Variants in RBFOX3 observed in about 807,000 individuals in gnomAD.
RBFOX3 encodes RNA binding fox-1 homolog 3, also known as RNA binding protein fox-1 homolog 3.
RBFOX3 carries 17 observed loss-of-function variants against 48.7 expected under a neutral mutation model. The observed-to-expected ratio is 0.35, with a 90% CI of 0.24 to 0.52. The LOEUF (loss-of-function observed/expected upper bound fraction) is 0.52. RBFOX3 is among the 20% of genes least tolerant of loss of function. RBFOX3 has a pLI of 0.94. For synonymous variants in RBFOX3, 212 were observed against 209.5 expected (o/e 1.01, Z -0.10); for missense variants, 382 against 497.5 (o/e 0.77, Z 2.21).
intron 1 of RBFOX3, among the ~76,000 whole-genome samples, chr17:79,577,087 C>G (rs2092888020): frequency 6.6e-6 from 1 of 152,186 alleles, no homozygotes; most frequent in Non-Finnish European, 1.5e-5. Context: ...TCACTCTGGA[C>G]TCTTCACTCT....
At chr17:79,288,331 A>T (rs1346079648) in intron 3 of RBFOX3, among the ~76,000 whole-genome samples, 2 of 152,170 alleles carry the variant, frequency 1.3e-5, no homozygotes, top group Admixed American at 1.3e-4. Flanking sequence ...GCACACAAAT[A>T]CTTGCCATCA....
At position 79,212,119 on chromosome 17, in the gene RBFOX3, T is replaced by C. The variant is rs565680465; in HGVS notation, c.-34+23647A>G. Among the ~76,000 whole-genome samples, 178 of 152,336 alleles carry C rather than the reference T, an allele frequency of 1.2e-3. No individual in the cohort carries two copies. Among genetic ancestry groups the C allele is most frequent in the African/African-American group, 4.2e-3 (175 of 41,580 alleles). ...ACCAGCGCCCAAAGACGGGCCCACC[T>C]GGGCATCTTCGACCATGCCAGGGAC... On this transcript the variant is annotated intron_variant, in intron 4 of 14. Coordinates refer to ENST00000693108, the MANE Select transcript of RBFOX3 (RefSeq NM_001350451.2). The surrounding 1 kb of genome is among the most constrained non-coding windows in gnomAD (Gnocchi z 4.7).
intron 4 of RBFOX3, among the ~76,000 whole-genome samples, chr17:79,218,994 C>A (rs779172021): frequency 6.6e-6 from 1 of 152,230 alleles, no homozygotes; most frequent in Non-Finnish European, 1.5e-5. Context: ...GCCATGGCTC[C>A]TGCGGCCTCA....
At chr17:79,549,912 C>T (rs1459469973) in intron 1 of RBFOX3, among the ~76,000 whole-genome samples, 1 of 152,194 alleles carries the variant, frequency 6.6e-6, no homozygotes, top group Non-Finnish European at 1.5e-5. Context: ...ACCTAAAAAA[C>T]CTTCATGTTC....
Position 79,418,686 on chromosome 17 carries a change from G to A in RBFOX3, c.-175+63768C>T, listed in dbSNP as rs902464338. 6.6e-6 allele frequency among the ~76,000 whole-genome samples: 1 copy of A among 152,158 alleles called. No individual in the cohort carries two copies. The highest frequency in any genetic ancestry group is 2.4e-5 in the African/African-American group (1 of 41,436). ...AGGGATGGATGTGGCTGTGCCAAGT[G>A]CCCTGGCATCCCCCAAGTCTGGGTG... On this transcript the variant is annotated intron_variant, in intron 2 of 14. Transcript: ENST00000693108. This position sits in a 1 kb window ranked among gnomAD's most constrained non-coding sequence, Gnocchi z 5.0.
chr17:79,643,328 G>T, the RBFOX3 span, among the ~76,000 whole-genome samples: 1 of 152,114 alleles, frequency 6.6e-6, no homozygotes, highest in Non-Finnish European at 1.5e-5. Flanking sequence ...AAAGCCAAAA[G>T]AATTAAAGGG....
chr17:79,323,093 C>T (rs1043276757), intron 2 of RBFOX3, among the ~76,000 whole-genome samples: 17 of 152,194 alleles, frequency 1.1e-4, no homozygotes, highest in Admixed American at 6.5e-5. Flanking sequence ...GGAGGGGGCT[C>T]CTGCAAAGCT....
At chr17:79,598,028 CAGA>C (rs1457307372) in intron 1 of RBFOX3, 6 of 123,312 alleles carry the variant, frequency 4.9e-5, no homozygotes, top group African/African-American at 1.3e-4. Flanking sequence ...GGAGCCTGAT[CAGA>C]AGGAGTCTTG....
chr17:79,608,911 A>C (rs915763785), intron 1 of RBFOX3, among the ~76,000 whole-genome samples: 1 of 151,886 alleles, frequency 6.6e-6, no homozygotes, highest in Non-Finnish European at 1.5e-5. Flanking sequence ...GGTTCTAAGA[A>C]GGCTCCCCTC....
intron 2 of RBFOX3, among the ~76,000 whole-genome samples, chr17:79,464,968 C>G (rs1251169530): frequency 2.6e-5 from 4 of 152,252 alleles, no homozygotes; most frequent in Non-Finnish European, 5.9e-5. Context: ...TGGGGAACCA[C>G]GAGGTGGCCC....
At chr17:79,618,227 T>C in the RBFOX3 span, among the ~76,000 whole-genome samples, 1 of 152,138 alleles carries the variant, frequency 6.6e-6, no homozygotes, top group Non-Finnish European at 1.5e-5. Flanking sequence ...TAGCAAAGGT[T>C]TTCTGAGGCA....
chr17:79,641,209 T>C, the RBFOX3 span, among the ~76,000 whole-genome samples: 1 of 152,226 alleles, frequency 6.6e-6, no homozygotes. Flanking sequence ...AAGGTGGTCA[T>C]TATTAACTAT....
intron 2 of RBFOX3, among the ~76,000 whole-genome samples, chr17:79,405,492 G>A (rs149416997): frequency 6.6e-6 from 1 of 152,126 alleles, no homozygotes; most frequent in Non-Finnish European, 1.5e-5. Flanking sequence ...CCTGCACTTT[G>A]GGTAGATCAC....
At chr17:79,273,849 G>C (rs2068214772) in intron 3 of RBFOX3, among the ~76,000 whole-genome samples, 1 of 152,188 alleles carries the variant, frequency 6.6e-6, no homozygotes, top group Non-Finnish European at 1.5e-5. Context: ...GTATTTGCAG[G>C]GGGGAAGGAG....
Position 79,204,441 on chromosome 17 carries a change from A to G in RBFOX3, c.-34+31325T>C, listed in dbSNP as rs2057232943. Among the ~76,000 whole-genome samples, 1 of 152,200 alleles carries G rather than the reference A, an allele frequency of 6.6e-6. No homozygotes were observed. The highest frequency in any genetic ancestry group is 1.5e-5 in the Non-Finnish European group (1 of 68,020). On this transcript the variant is annotated intron_variant, in intron 4 of 14. Transcript: ENST00000693108. This position sits in a 1 kb window ranked among gnomAD's most constrained non-coding sequence, Gnocchi z 4.5. ...ATGACTCAGGGCTTAATATCCTGGAAAGGACACGCGTACCAGTCCAGTGAA... is the reference window on the plus strand; with the variant it reads ...ATGACTCAGGGCTTAATATCCTGGAGAGGACACGCGTACCAGTCCAGTGAA...
chr17:79,477,553 C>CTCAAA lies in RBFOX3; in HGVS notation c.-175+4900_-175+4901insTTTGA, dbSNP rs1240554071. Among the ~76,000 whole-genome samples, 1 of 141,362 alleles carries CTCAAA rather than the reference C, an allele frequency of 7.1e-6. No individual in the cohort carries two copies. The highest frequency in any genetic ancestry group is 1.5e-5 in the Non-Finnish European group (1 of 65,880). 92.7% of individuals were successfully genotyped at this position (141,362 alleles called of 152,430 possible). A position where few individuals can be genotyped will look rare whatever the true frequency, so the allele number is the denominator to read the frequency against. ...CCTGGGCGACAGAGCGAAACTCCGTCACCGGAAAAAAAAAAAGAGGAGGAG... is the reference window on the plus strand; with the variant it reads ...CCTGGGCGACAGAGCGAAACTCCGTCTCAAAACCGGAAAAAAAAAAAGAGGAGGAG... On this transcript the variant is annotated intron_variant, in intron 2 of 14. Coordinates refer to ENST00000693108, the MANE Select transcript of RBFOX3 (RefSeq NM_001350451.2). The surrounding 1 kb of genome is among the most constrained non-coding windows in gnomAD (Gnocchi z 4.8).
chr17:79,580,957 C>T (rs2093038155), intron 1 of RBFOX3, among the ~76,000 whole-genome samples: 1 of 152,182 alleles, frequency 6.6e-6, no homozygotes, highest in Non-Finnish European at 1.5e-5. Context: ...GATCATAAAA[C>T]ACCAGTGCGG....
At chr17:79,152,538 C>T (rs1302876505) in intron 4 of RBFOX3, among the ~76,000 whole-genome samples, 1 of 152,194 alleles carries the variant, frequency 6.6e-6, no homozygotes, top group East Asian at 1.9e-4. Context: ...GCTTCTTCAC[C>T]CCGCTTAACG....
intron 9 of RBFOX3, among the ~76,000 whole-genome samples, chr17:79,100,724 G>T (rs548169989): frequency 1.3e-5 from 2 of 152,218 alleles, no homozygotes; most frequent in South Asian, 2.1e-4. Flanking sequence ...AGGAATGAGC[G>T]GAGGCCCCCA....
Sources: allele counts gnomAD v4.1 joint callset (sites outside exome capture counted in the v4.1 genomes callset), GRCh38; gene constraint gnomAD v4.1.1; non-coding constraint Gnocchi (gnomAD v3.1); transcripts MANE v1.5; gene names NCBI Gene and HGNC (gene_info 2026-07-23, HGNC 2026-07-21).